The following GALNT17 variants were observed in gnomAD, a reference collection of about 807,000 sequenced individuals.
GALNT17 encodes UDP-GalNAc:polypeptide N-acetylgalactosaminyltransferase-like 3.
A neutral mutation model predicts 63.7 loss-of-function variants in GALNT17; 29 were observed. That is an observed-to-expected ratio of 0.46 (90% confidence interval 0.34 to 0.62). The LOEUF (loss-of-function observed/expected upper bound fraction) is 0.62. Ranked by LOEUF, GALNT17 falls within the 20% of genes least tolerant of loss-of-function variation. GALNT17 has a pLI of 0.01. For synonymous variants in GALNT17, 305 were observed against 318.3 expected (o/e 0.96, Z 0.45); for missense variants, 603 against 799.6 (o/e 0.75, Z 2.97).
chr7:71,465,577 A>G (rs1236063785), intron 5 of GALNT17, among the ~76,000 whole-genome samples: 1 of 152,224 alleles, frequency 6.6e-6, no homozygotes, highest in African/African-American at 2.4e-5. Context: ...GAAGCCACAG[A>G]AGAATGTGGC....
intron 1 of GALNT17, among the ~76,000 whole-genome samples, chr7:71,169,151 T>G (rs757763378): frequency 1.1e-4 from 17 of 152,178 alleles, no homozygotes; most frequent in Non-Finnish European, 2.2e-4. Flanking sequence ...TGTGCAGCTT[T>G]CTCCTCCAAA....
rs35898355 is a variant in GALNT17, at chr7:71,678,956, CAAAAAAAAA to C, written c.1500+1660_1500+1668del. Among the ~76,000 whole-genome samples the C allele has an allele frequency of 8.8e-5, 10 of 114,062 alleles. No individual in the cohort carries two copies. The South Asian group carries it at 3.1e-3, about 36-fold the overall frequency. The allele number at this position is 114,062 out of a possible 152,430, so 74.8% of individuals were successfully genotyped here. ...TGGGCGACAGAGCGAGACTCCATCT[CAAAAAAAAA>C]AAAAAAAAAGTCAAATGCGATCCAT... On this transcript the variant is annotated intron_variant, in intron 9 of 10. Coordinates refer to ENST00000333538, the MANE Select transcript of GALNT17 (RefSeq NM_022479.3).
intron 8 of GALNT17, among the ~76,000 whole-genome samples, chr7:71,674,756 A>G (rs891365864): frequency 2.0e-5 from 3 of 152,152 alleles, no homozygotes; most frequent in Non-Finnish European, 4.4e-5. Context: ...ACCTTAAGCA[A>G]TCTTCCAGCC....
intron 6 of GALNT17, among the ~76,000 whole-genome samples, chr7:71,606,626 A>G (rs1369945971): frequency 6.6e-6 from 1 of 152,104 alleles, no homozygotes; most frequent in Non-Finnish European, 1.5e-5. Context: ...ACCCACCTTC[A>G]TCATCCTCTG....
At chr7:71,266,488 G>C (rs1406100698) in intron 1 of GALNT17, among the ~76,000 whole-genome samples, 3 of 152,092 alleles carry the variant, frequency 2.0e-5, no homozygotes, top group African/African-American at 7.2e-5. Flanking sequence ...CTTTCCCCAT[G>C]ATTTTAAGTT....
chr7:71,255,537 G>C (rs1415611415), intron 1 of GALNT17, among the ~76,000 whole-genome samples: 1 of 152,190 alleles, frequency 6.6e-6, no homozygotes, highest in Non-Finnish European at 1.5e-5. Context: ...AAAGTCTGTT[G>C]ACTTCTGCCT....
At chr7:71,550,385 T>G (rs1789055912) in intron 5 of GALNT17, among the ~76,000 whole-genome samples, 1 of 152,156 alleles carries the variant, frequency 6.6e-6, no homozygotes, top group Non-Finnish European at 1.5e-5. Context: ...TGTGTGTGTT[T>G]TTTTTGTTCT....
Position 71,132,666 on chromosome 7 carries a change from C to T in GALNT17, c.-137C>T. 1.4e-6 allele frequency: 1 copy of T among 704,496 alleles called. No individual in the cohort carries two copies. Among genetic ancestry groups the T allele is most frequent in the East Asian group, 2.9e-5 (1 of 34,312 alleles). The allele number at this position is 704,496 out of a possible 1,614,324, so 43.6% of individuals were successfully genotyped here. A position where few individuals can be genotyped will look rare whatever the true frequency, so the allele number is the denominator to read the frequency against. The stretch of plus-strand genomic sequence containing the variant: ...CAGCCGTCTCCGCCGCCCGAGCATC[C>T]TTGAGGTGGGACGAGCAGGGGCTTG... On this transcript the variant is annotated 5_prime_UTR_variant, in exon 1 of 11. Coordinates refer to ENST00000333538, the MANE Select transcript of GALNT17 (RefSeq NM_022479.3).
At chr7:71,499,459 G>C (rs1463526618) in intron 5 of GALNT17, among the ~76,000 whole-genome samples, 1 of 152,164 alleles carries the variant, frequency 6.6e-6, no homozygotes, top group Admixed American at 6.5e-5. Context: ...AGACATTATT[G>C]TAAGTGGGAG....
intron 5 of GALNT17, among the ~76,000 whole-genome samples, chr7:71,458,332 C>T (rs369798954): frequency 1.3e-5 from 2 of 152,270 alleles, no homozygotes; most frequent in Middle Eastern, 3.4e-3. Flanking sequence ...CTTGTCTGTT[C>T]GCCACCCTTA....
chr7:71,551,967 T>G (rs188972568), intron 5 of GALNT17, among the ~76,000 whole-genome samples: 1 of 152,050 alleles, frequency 6.6e-6, no homozygotes, highest in Non-Finnish European at 1.5e-5. Flanking sequence ...TGAAGTGAGC[T>G]TGCAGTTTGG....
chr7:71,571,514 A>G (rs759582906), intron 6 of GALNT17, 112 bp downstream of exon 6: 9 of 858,060 alleles, frequency 1.0e-5, no homozygotes, highest in South Asian at 2.9e-5. Flanking sequence ...TGACAGATTC[A>G]TTTACTCCAC....
intron 5 of GALNT17, among the ~76,000 whole-genome samples, chr7:71,534,886 C>T (rs1339501922): frequency 6.6e-6 from 1 of 151,904 alleles, no homozygotes; most frequent in African/African-American, 2.4e-5. Context: ...CTACCATCTC[C>T]CTTTCTTGCT....
At chr7:71,290,243 G>A (rs1462184376) in intron 1 of GALNT17, among the ~76,000 whole-genome samples, 1 of 152,166 alleles carries the variant, frequency 6.6e-6, no homozygotes, top group Non-Finnish European at 1.5e-5. Flanking sequence ...CTAAATCATG[G>A]TGCCAAGAGT....
intron 2 of GALNT17, among the ~76,000 whole-genome samples, chr7:71,368,358 G>A (rs4719118): frequency 0.14 from 21,362 of 152,006 alleles, 1,859 homozygotes; most frequent in East Asian, 0.4. Flanking sequence ...GTTTCTTGGC[G>A]GTACATTGTA....
At chr7:71,221,362 T>C (rs1189028787) in intron 1 of GALNT17, among the ~76,000 whole-genome samples, 1 of 151,216 alleles carries the variant, frequency 6.6e-6, no homozygotes, top group Non-Finnish European at 1.5e-5. Flanking sequence ...CCATGTAACC[T>C]TATACAGAAT....
At chr7:71,402,491 G>A (rs1793257695) in intron 3 of GALNT17, among the ~76,000 whole-genome samples, 1 of 152,148 alleles carries the variant, frequency 6.6e-6, no homozygotes. Context: ...ATTTCACATT[G>A]TACATATTTT....
rs558038080 is a variant in GALNT17 at position 71,254,969 on chromosome 7, A to G, written c.239-80581A>G. 5.2e-5 allele frequency among the ~76,000 whole-genome samples: 8 copies of G among 152,384 alleles called. No individual in the cohort carries two copies. The South Asian group carries it at 1.7e-3, about 32-fold the overall frequency. On this transcript the variant is annotated intron_variant, in intron 1 of 10. Transcript: ENST00000333538. ...CATGTATATCAGTGGCCTTCTGCCA[A>G]GAGAAGATTTCATTCATTGCCAGCA...
intron 1 of GALNT17, chr7:71,284,108 A>G (rs963560385): frequency 2.6e-5 from 4 of 152,192 alleles, no homozygotes; most frequent in African/African-American, 4.8e-5. Context: ...TTCGCTCTTC[A>G]CAGTAAATCT....
Sources: gnomAD v4.1 joint callset for allele counts (sites outside exome capture counted in the v4.1 genomes callset) on GRCh38, gnomAD v4.1.1 for gene constraint, MANE v1.5 for transcripts, NCBI Gene and HGNC (gene_info 2026-07-23, HGNC 2026-07-21) for gene names.